KIF15: variants seen among roughly 807,000 people sequenced by gnomAD.
KIF15 encodes kinesin family member 15.
Under a neutral mutation model 190.6 loss-of-function variants are expected in KIF15, and 140 were observed. That is an observed-to-expected ratio of 0.73 (90% CI 0.64 to 0.84). KIF15 has a LOEUF of 0.84. Among genes scored for constraint, KIF15 ranks in the 40% least tolerant of loss-of-function variants. The pLI is 0.00. For synonymous variants in KIF15, 528 were observed against 551.3 expected (o/e 0.96, Z 0.59); for missense variants, 1,372 against 1,584.4 (o/e 0.87, Z 2.28).
chr3:44,828,017 G>T (rs55661644), intron 23 of KIF15, among the ~76,000 whole-genome samples, 197 bp from the exon 24 acceptor site: 8,878 of 152,132 alleles, frequency 0.058, 270 homozygotes, highest in Middle Eastern at 0.092. Flanking sequence ...CTCCCAGAGG[G>T]TTACAATAAT....
rs1010479705 is a variant in KIF15, at chr3:44,801,213, G to C, written c.1223-237G>C. Among the ~76,000 whole-genome samples the C allele has an allele frequency of 4.0e-4, 52 of 131,352 alleles. 2 individuals carry two copies. The South Asian group carries it at 6.4e-3, about 16-fold the overall frequency. 86.2% of individuals were successfully genotyped at this position (131,352 alleles called of 152,430 possible). A position where few individuals can be genotyped will look rare whatever the true frequency, so the allele number is the denominator to read the frequency against. On this transcript the variant is annotated intron_variant, in intron 11 of 34. Transcript: ENST00000326047. Reference sequence around the variant, plus strand: ...TTAGTAGAGATCGGGGGCGGCGGGAGGGGGGGGTCTCACCATGTTGGCCAG... The same window carrying C: ...TTAGTAGAGATCGGGGGCGGCGGGACGGGGGGGTCTCACCATGTTGGCCAG...
intron 3 of KIF15, among the ~76,000 whole-genome samples, chr3:44,777,320 C>T (rs1705938403): frequency 6.6e-6 from 1 of 152,190 alleles, no homozygotes; most frequent in East Asian, 1.9e-4. Flanking sequence ...TAAGTATTCC[C>T]TTATACATAT....
chr3:44,792,265 C>T (rs1229044825), intron 7 of KIF15, among the ~76,000 whole-genome samples: 1 of 152,046 alleles, frequency 6.6e-6, no homozygotes, highest in East Asian at 2.0e-4. Context: ...CACTTGAGGT[C>T]AGGAGTTCAA....
chr3:44,860,654 G>A (rs1165373288), intron 6 of KIF15, among the ~76,000 whole-genome samples: 1 of 152,120 alleles, frequency 6.6e-6, no homozygotes, highest in Non-Finnish European at 1.5e-5. Flanking sequence ...TTACAGGCGT[G>A]AGCCACCGTG....
chr3:44,833,934 A>G (rs541824518), intron 26 of KIF15, among the ~76,000 whole-genome samples: 9 of 152,348 alleles, frequency 5.9e-5, no homozygotes, highest in South Asian at 2.1e-4. Context: ...CATACTGACT[A>G]TTGACGAAGT....
rs756264544 is a variant in KIF15 at position 44,848,034 on chromosome 3, A to T, written c.3745A>T (p.Ser1249Cys). 1 of 1,610,614 alleles carries T rather than the reference A, an allele frequency of 6.2e-7. No individual in the cohort carries two copies. The highest frequency in any genetic ancestry group is 1.1e-5 in the South Asian group (1 of 90,552). Residue 1249 changes from serine to cysteine, a missense_variant, in exon 31 of 35, where the codon AGT (serine) becomes TGT (cysteine). Physicochemically the swap from Ser to Cys is moderately radical, Grantham distance 112 (BLOSUM62 -1). Transcript: ENST00000326047. Reference protein sequence around the residue: ...NQQLKNEQEESIKERLAKSKI... With the variant: ...NQQLKNEQEECIKERLAKSKI... ...ACAGCTGAAGAATGAACAAGAAGAA[A>T]GTATCAAAGAAAGACTTGCAAAAGT... is the stretch of plus-strand genomic sequence containing the variant.
At chr3:44,770,268 C>A (rs1437085081) in intron 1 of KIF15, among the ~76,000 whole-genome samples, 1 of 152,152 alleles carries the variant, frequency 6.6e-6, no homozygotes, top group African/African-American at 2.4e-5. Flanking sequence ...TTATACTTGG[C>A]TTGATTCTTT....
At chr3:44,794,713 G>A (rs994610251) in intron 8 of KIF15, among the ~76,000 whole-genome samples, 1 of 152,126 alleles carries the variant, frequency 6.6e-6, no homozygotes, top group African/African-American at 2.4e-5. Flanking sequence ...TGTAATCCCA[G>A]CACTTTGGGA....
intron 7 of KIF15, among the ~76,000 whole-genome samples, chr3:44,790,616 G>A (rs1706640468): frequency 6.7e-6 from 1 of 149,778 alleles, no homozygotes. Context: ...AATCTGTTTT[G>A]TCTGATGTTC....
In KIF15 at chr3:44,826,130, C is replaced by G. The variant is rs1697627916; in HGVS notation, c.2641C>G (p.Leu881Val). The stretch of plus-strand genomic sequence containing the variant: ...AATAATGAAATTTGAGATTGACCAA[C>G]TTTCAAGAAACCTCCAAAACTTCAA... ...QEIMKFEIDQ[L>V]SRNLQNFKKE... Residue 881 changes from leucine to valine, a missense_variant, in exon 21 of 35, where the codon CTT becomes GTT. Coordinates refer to ENST00000326047, the MANE Select transcript of KIF15 (RefSeq NM_020242.3). 1 of 1,587,326 alleles carries G rather than the reference C, an allele frequency of 6.3e-7. No homozygotes were observed. The highest frequency in any genetic ancestry group is 8.5e-7 in the Non-Finnish European group (1 of 1,173,394).
intron 16 of KIF15, 42 bp from the exon 17 acceptor site, chr3:44,810,804 T>A (rs764279753): frequency 2.0e-6 from 3 of 1,469,882 alleles, no homozygotes; most frequent in South Asian, 2.5e-5. Flanking sequence ...ATGCCCTTTT[T>A]AAATATGTGC....
At chr3:44,863,956 T>A in intron 6 of KIF15, 1 of 528,192 alleles carries the variant, frequency 1.9e-6, no homozygotes, top group Non-Finnish European at 3.4e-6. Context: ...CCCAAGATCA[T>A]ATGGCCAGCA....
At position 44,829,560 on chromosome 3, in the gene KIF15, T is replaced by TATGTATATG. The variant is rs1292327875; in HGVS notation, c.2944-409_2944-408insGTATATGAT. ...GTATATATTATATATGTATATATTA[T>TATGTATATG]ATATGTATATATTATATATGTATAT... On this transcript the variant is annotated intron_variant, in intron 24 of 34. Transcript: ENST00000326047. Among the ~76,000 whole-genome samples the TATGTATATG allele has an allele frequency of 2.4e-3, 297 of 122,820 alleles. 9 individuals carry two copies. The highest frequency in any genetic ancestry group is 8.8e-3 in the African/African-American group (267 of 30,354). The allele number at this position is 122,820 out of a possible 152,430, so 80.6% of individuals were successfully genotyped here.
chr3:44,826,904 G>A (rs908675057), intron 22 of KIF15: 2 of 382,348 alleles, frequency 5.2e-6, no homozygotes, highest in East Asian at 7.4e-5. Context: ...TTTGGGCCTC[G>A]GTCACTAGGC....
rs140670400 is a variant in KIF15, at chr3:44,864,289, C to T, written c.*60-9040C>T. On this transcript the variant is annotated intron_variant and NMD_transcript_variant, in intron 6 of 6. Transcript: ENST00000422209. ...TCTTTAGCCGGGGCCTCAGTTTCTC[C>T]ATGTCTTCAGCCATTGCATCTGTCA... The T allele has an allele frequency of 9.8e-5, 159 of 1,614,214 alleles. No individual in the cohort carries two copies. In the African/African-American group the frequency reaches 1.4e-3, roughly 15 times the overall value.
downstream of KIF15, among the ~76,000 whole-genome samples, chr3:44,857,053 C>A (rs535574788): frequency 7.1e-4 from 108 of 152,136 alleles, 1 homozygote; most frequent in African/African-American, 2.6e-3. Flanking sequence ...GAACTGCCAT[C>A]AGTAAACCAA....
intron 24 of KIF15, 68 bp from the exon 25 acceptor site, chr3:44,829,903 T>G (rs889218845): frequency 5.0e-5 from 37 of 734,498 alleles, no homozygotes; most frequent in Non-Finnish European, 1.2e-5. Flanking sequence ...GATAAGTGAT[T>G]TACCATTTAA....
chr3:44,789,403 G>A (rs970925767), intron 7 of KIF15, among the ~76,000 whole-genome samples: 1 of 151,674 alleles, frequency 6.6e-6, no homozygotes, highest in African/African-American at 2.4e-5. Context: ...CATTGGGATC[G>A]AAGAATGTGG....
intron 26 of KIF15, among the ~76,000 whole-genome samples, chr3:44,832,652 C>T (rs1698126327): frequency 1.3e-5 from 2 of 152,046 alleles, no homozygotes; most frequent in Admixed American, 1.3e-4. Flanking sequence ...ATGGCTATTC[C>T]CAGTAATTTG....
Sources: gnomAD v4.1 joint callset for allele counts (sites outside exome capture counted in the v4.1 genomes callset) on GRCh38, gnomAD v4.1.1 for gene constraint, MANE v1.5 for transcripts, NCBI Gene and HGNC (gene_info 2026-07-23, HGNC 2026-07-21) for gene names.